CENPW: variants seen among roughly 807,000 people sequenced by gnomAD.
The protein encoded by CENPW is cancer-up-regulated gene 2 protein.
CENPW carries 3 observed loss-of-function variants against 11.1 expected under a neutral mutation model. The observed-to-expected ratio is 0.27, with a 90% CI of 0.12 to 0.70. The LOEUF (loss-of-function observed/expected upper bound fraction) is 0.70. Ranked by LOEUF, CENPW falls within the 30% of genes least tolerant of loss-of-function variation. The pLI is 0.77. For synonymous variants in CENPW, 38 were observed against 42.0 expected (o/e 0.91, Z 0.37); for missense variants, 100 against 105.6 (o/e 0.95, Z 0.23).
the CENPW span, among the ~76,000 whole-genome samples, chr6:126,456,731 A>G: frequency 6.6e-6 from 1 of 151,816 alleles, no homozygotes; most frequent in African/African-American, 2.4e-5. Flanking sequence ...GAGCTTCTGC[A>G]CAGCAAAATA....
the CENPW span, among the ~76,000 whole-genome samples, chr6:126,396,655 G>A: frequency 6.6e-6 from 1 of 152,040 alleles, no homozygotes; most frequent in Non-Finnish European, 1.5e-5. Flanking sequence ...TTGGGAATGT[G>A]CTGGATCTCC....
chr6:126,384,849 A>G, the CENPW span, among the ~76,000 whole-genome samples: 1 of 152,184 alleles, frequency 6.6e-6, no homozygotes, highest in African/African-American at 2.4e-5. Context: ...GAATGAAAAA[A>G]TCTTTGCAAA....
the CENPW span, among the ~76,000 whole-genome samples, chr6:126,427,257 T>C: frequency 6.6e-6 from 1 of 152,202 alleles, no homozygotes; most frequent in Non-Finnish European, 1.5e-5. Context: ...TTTATTTTAT[T>C]TTTATTTCCT....
chr6:126,362,420 C>G, the CENPW span, among the ~76,000 whole-genome samples: 1 of 152,178 alleles, frequency 6.6e-6, no homozygotes, highest in African/African-American at 2.4e-5. Context: ...TCCCTTCACT[C>G]CTTCCCTAGG....
At chr6:126,374,635 C>A in the CENPW span, among the ~76,000 whole-genome samples, 5 of 152,154 alleles carry the variant, frequency 3.3e-5, no homozygotes, top group Non-Finnish European at 7.3e-5. Flanking sequence ...TACATATCTC[C>A]TGTGAACACG....
At chr6:126,452,679 G>T in the CENPW span, among the ~76,000 whole-genome samples, 1 of 150,940 alleles carries the variant, frequency 6.6e-6, no homozygotes, top group East Asian at 1.9e-4. Flanking sequence ...CTATCAGAGT[G>T]CCAAAGAGAG....
chr6:126,398,242 C>T, the CENPW span, among the ~76,000 whole-genome samples: 2 of 152,138 alleles, frequency 1.3e-5, no homozygotes, highest in African/African-American at 4.8e-5. Context: ...AATTGTCTAT[C>T]CCATTTAAAT....
chr6:126,456,866 C>T, the CENPW span, among the ~76,000 whole-genome samples: 3 of 151,362 alleles, frequency 2.0e-5, no homozygotes, highest in African/African-American at 7.3e-5. Context: ...AAAAAACAAC[C>T]CCATTAAATA....
At chr6:126,480,246 A>C in the CENPW span, among the ~76,000 whole-genome samples, 8 of 152,090 alleles carry the variant, frequency 5.3e-5, no homozygotes, top group Admixed American at 1.3e-4. Context: ...AGGGTCAAGG[A>C]AAGGGTTAGG....
chr6:126,432,345 A>G, the CENPW span, among the ~76,000 whole-genome samples: 2 of 151,924 alleles, frequency 1.3e-5, no homozygotes, highest in South Asian at 4.1e-4. Flanking sequence ...GAACTGGGGT[A>G]TGGCTTATAT....
chr6:126,389,239 A>G, the CENPW span, among the ~76,000 whole-genome samples: 1 of 151,958 alleles, frequency 6.6e-6, no homozygotes, highest in Non-Finnish European at 1.5e-5. Context: ...CTGCCATGAC[A>G]CAGATGTGGG....
At chr6:126,410,954 A>G in the CENPW span, among the ~76,000 whole-genome samples, 2 of 151,930 alleles carry the variant, frequency 1.3e-5, no homozygotes, top group Non-Finnish European at 2.9e-5. Context: ...TAATATCATT[A>G]TTTTTAATAC....
At chr6:126,366,475 A>G in the CENPW span, among the ~76,000 whole-genome samples, 14 of 152,172 alleles carry the variant, frequency 9.2e-5, no homozygotes, top group Non-Finnish European at 1.9e-4. Context: ...CATTTTTGTC[A>G]GTTTAGATTT....
the CENPW span, among the ~76,000 whole-genome samples, chr6:126,481,717 C>A: frequency 5.9e-5 from 9 of 152,084 alleles, no homozygotes; most frequent in African/African-American, 1.7e-4. Context: ...GATATTTAAA[C>A]CATAGCATAC....
the CENPW span, among the ~76,000 whole-genome samples, chr6:126,439,398 T>C: frequency 6.6e-6 from 1 of 151,636 alleles, no homozygotes; most frequent in Admixed American, 6.6e-5. Context: ...AAGAGGTTGG[T>C]TATTGCCTCT....
the CENPW span, among the ~76,000 whole-genome samples, chr6:126,367,820 C>G: frequency 1.3e-5 from 2 of 151,918 alleles, no homozygotes; most frequent in Non-Finnish European, 2.9e-5. Flanking sequence ...AAAGAGGAGA[C>G]AGTTGATGTG....
the CENPW span, among the ~76,000 whole-genome samples, chr6:126,452,887 A>C: frequency 6.6e-6 from 1 of 151,058 alleles, no homozygotes; most frequent in Non-Finnish European, 1.5e-5. Flanking sequence ...AATCCAGACA[A>C]AAATGATCCA....
the CENPW span, among the ~76,000 whole-genome samples, chr6:126,365,833 A>G: frequency 2.6e-5 from 4 of 152,218 alleles, no homozygotes; most frequent in Non-Finnish European, 1.5e-5. Context: ...AATGAAAGGA[A>G]ATGAACATTT....
chr6:126,418,385 A>T, the CENPW span, among the ~76,000 whole-genome samples: 1 of 152,222 alleles, frequency 6.6e-6, no homozygotes, highest in South Asian at 2.1e-4. Context: ...AAAATGTGGT[A>T]TATCCATACC....
Sources: allele counts gnomAD v4.1 joint callset (sites outside exome capture counted in the v4.1 genomes callset), GRCh38; gene constraint gnomAD v4.1.1; transcripts MANE v1.5; gene names NCBI Gene and HGNC (gene_info 2026-07-23, HGNC 2026-07-21).